VPS13C: variants seen among roughly 807,000 people sequenced by gnomAD.
VPS13C encodes intermembrane lipid transfer protein VPS13C.
In VPS13C, 358 loss-of-function variants were observed where a neutral mutation model predicts 456.8. The ratio of observed to expected loss-of-function variants is 0.78; its 90% CI spans 0.72 to 0.86. VPS13C has a LOEUF of 0.86. Among genes scored for constraint, VPS13C ranks in the 40% least tolerant of loss-of-function variants. VPS13C has a pLI of 0.00. For synonymous variants in VPS13C, 1,578 were observed against 1,486.7 expected (o/e 1.06, Z -1.41); for missense variants, 4,818 against 4,385.4 (o/e 1.10, Z -2.79).
At chr15:61,933,537 T>C (rs1304641993) in intron 49 of VPS13C, among the ~76,000 whole-genome samples, 1 of 152,150 alleles carries the variant, frequency 6.6e-6, no homozygotes, top group African/African-American at 2.4e-5. Context: ...ATGCTCACTG[T>C]TGAATCTATA....
At position 61,881,779 on chromosome 15, in the gene VPS13C, A is replaced by T; in HGVS notation, c.9674T>A (p.Val3225Asp). 1 of 1,608,806 alleles carries T rather than the reference A, an allele frequency of 6.2e-7. No homozygotes were observed. Among genetic ancestry groups the T allele is most frequent in the Non-Finnish European group, 8.5e-7 (1 of 1,178,636 alleles). ...TAAAGCAATAGATTTTGGAGGGGCA[A>T]CAGGATGAAATACAACAGGGAACAT... ...GAMFPVVFHP[V>D]APPKSIALDS... The change falls in exon 70 of 85, where the codon GTT becomes GAT. Residue 3225 changes from valine (V) to aspartate (D), a missense_variant. This residue lies in a region of VPS13C where 4,552 missense variants were observed against 4,130.6 expected (regional missense o/e 1.10). Coordinates refer to ENST00000644861, the MANE Select transcript of VPS13C (RefSeq NM_020821.3).
At chr15:62,015,077 C>G (rs1189715398) in intron 9 of VPS13C, among the ~76,000 whole-genome samples, 1 of 152,062 alleles carries the variant, frequency 6.6e-6, no homozygotes, top group Non-Finnish European at 1.5e-5. Flanking sequence ...AGGTATATGA[C>G]TATTTTGTAT....
intron 1 of VPS13C, among the ~76,000 whole-genome samples, chr15:62,055,889 G>A (rs1474001066): frequency 6.6e-6 from 1 of 152,100 alleles, no homozygotes; most frequent in African/African-American, 2.4e-5. Context: ...AACATTTTGA[G>A]CTGGACAATT....
intron 39 of VPS13C, 38 bp downstream of exon 39, chr15:61,951,786 C>T: frequency 1.3e-6 from 2 of 1,571,828 alleles, no homozygotes; most frequent in Non-Finnish European, 1.7e-6. Flanking sequence ...GATCATCTGC[C>T]TAATGAATAA....
At chr15:61,945,503 T>A (rs1271415218) in intron 45 of VPS13C, among the ~76,000 whole-genome samples, 2 of 152,236 alleles carry the variant, frequency 1.3e-5, no homozygotes, top group Non-Finnish European at 2.9e-5. Context: ...GGAAATGTTA[T>A]AGAATTACAG....
intron 81 of VPS13C, chr15:61,866,970 C>T (rs1894638738): frequency 2.0e-6 from 2 of 981,320 alleles, no homozygotes; most frequent in South Asian, 9.4e-5. Context: ...TAAACATTTC[C>T]ATCATTTATT....
intron 82 of VPS13C, among the ~76,000 whole-genome samples, chr15:61,859,091 C>A (rs772309951): frequency 6.6e-6 from 1 of 152,184 alleles, no homozygotes; most frequent in Non-Finnish European, 1.5e-5. Context: ...TAACTGCCAG[C>A]CAGTTATGAT....
At chr15:61,962,586 A>G (rs2045245105) in intron 33 of VPS13C, 48 bp from the exon 34 acceptor site, 1 of 1,518,248 alleles carries the variant, frequency 6.6e-7, no homozygotes, top group Admixed American at 2.1e-5. Flanking sequence ...GGTAATGACA[A>G]AATAAAATCT....
intron 53 of VPS13C, among the ~76,000 whole-genome samples, chr15:61,923,124 T>G (rs986827814): frequency 2.0e-5 from 3 of 152,038 alleles, no homozygotes; most frequent in African/African-American, 7.3e-5. Flanking sequence ...AATTCTTCAT[T>G]TTAAAAACAG....
rs1056216107 is a variant in VPS13C at position 61,931,167 on chromosome 15, G to A, written c.5961C>T (p.Gly1987=). The A allele has an allele frequency of 2.5e-6, 4 of 1,614,122 alleles. No homozygotes were observed. The African/African-American group carries it at 5.3e-5, about 22-fold the overall frequency. Reference sequence around the variant, plus strand: ...TAAGTTTAACGCTGACATTCATTGAGCCATCCTTAAACATCTTCCCTGAGG... The same window carrying A: ...TAAGTTTAACGCTGACATTCATTGAACCATCCTTAAACATCTTCCCTGAGG... The part of the protein sequence containing the change: ...MASSGKMFKD[G]SMNVSVKLKT... Residue 1987 remains glycine (G), a synonymous_variant, in exon 50 of 85, where the codon GGC becomes GGT. Transcript: ENST00000644861.
intron 79 of VPS13C, among the ~76,000 whole-genome samples, chr15:61,870,388 T>C (rs1270844744): frequency 1.3e-5 from 2 of 152,168 alleles, no homozygotes; most frequent in African/African-American, 4.8e-5. Context: ...TAATATGTGG[T>C]GTACTGTGAC....
chr15:61,957,828 A>G (rs748537974), intron 37 of VPS13C, among the ~76,000 whole-genome samples: 35 of 152,292 alleles, frequency 2.3e-4, no homozygotes, highest in Non-Finnish European at 4.9e-4. Context: ...CTTGCTAAAT[A>G]AATTATGATG....
chr15:62,026,423 T>C (rs1281297530), intron 6 of VPS13C, among the ~76,000 whole-genome samples: 1 of 152,030 alleles, frequency 6.6e-6, no homozygotes, highest in East Asian at 1.9e-4. Flanking sequence ...ATCAGAAAAG[T>C]CTTAAAGTAC....
chr15:61,974,541 T>C, intron 24 of VPS13C, 124 bp from the exon 25 acceptor site: 1 of 942,280 alleles, frequency 1.1e-6, no homozygotes, highest in Non-Finnish European at 1.5e-6. Context: ...CTAATTACAC[T>C]AATGCCTCAT....
chr15:61,966,761 A>G (rs886719240), intron 29 of VPS13C, among the ~76,000 whole-genome samples: 1 of 151,908 alleles, frequency 6.6e-6, no homozygotes, highest in African/African-American at 2.4e-5. Flanking sequence ...ATTATATTCT[A>G]ATCATTATTT....
rs1596456340 is a variant in VPS13C, at chr15:62,000,601, A to C, written c.1316T>G (p.Phe439Cys). ...TTGTTGCCTTGCTAAAATTATGTTAAAAACATCTAGAGTCTTCTCCAAGTC... is the reference window on the plus strand; with the variant it reads ...TTGTTGCCTTGCTAAAATTATGTTACAAACATCTAGAGTCTTCTCCAAGTC... ...IQDLEKTLDV[F>C]NIILARQQAQ... The change falls in exon 16 of 85, where the codon TTT becomes TGT. Residue 439 changes from phenylalanine to cysteine, a missense_variant. Phe to Cys is a radical substitution (Grantham distance 205, BLOSUM62 -2). Transcript: ENST00000644861. 1.2e-6 allele frequency: 2 copies of C among 1,608,376 alleles called. No homozygotes were observed. The highest frequency in any genetic ancestry group is 1.7e-5 in the Admixed American group (1 of 59,188).
chr15:62,036,181 A>G (rs1158948663), intron 3 of VPS13C, among the ~76,000 whole-genome samples: 1 of 152,028 alleles, frequency 6.6e-6, no homozygotes, highest in Non-Finnish European at 1.5e-5. Context: ...AGAGCTACTA[A>G]TCAAGATTTT....
intron 6 of VPS13C, among the ~76,000 whole-genome samples, chr15:62,024,755 T>C (rs950519871): frequency 2.0e-5 from 3 of 152,128 alleles, no homozygotes; most frequent in Non-Finnish European, 4.4e-5. Context: ...TACATCCCTG[T>C]CCTGTTCTAT....
rs192757743 is a variant in VPS13C at position 61,907,605 on chromosome 15, A to G, written c.8979-215T>C. 1.7e-4 allele frequency among the ~76,000 whole-genome samples: 26 copies of G among 152,310 alleles called. No individual in the cohort carries two copies. The East Asian group carries it at 4.2e-3, about 25-fold the overall frequency. On this transcript the variant is annotated intron_variant, in intron 65 of 84. Coordinates refer to ENST00000644861, the MANE Select transcript of VPS13C (RefSeq NM_020821.3). Reference sequence around the variant, plus strand: ...GAATATTGCCCTTTCTGAAGCTTCAATGCACTCGGAATTGATCCAAGTGGA... The same window carrying G: ...GAATATTGCCCTTTCTGAAGCTTCAGTGCACTCGGAATTGATCCAAGTGGA...
Sources: allele counts gnomAD v4.1 joint callset (sites outside exome capture counted in the v4.1 genomes callset), GRCh38; gene constraint gnomAD v4.1.1; regional missense constraint gnomAD v4.1.1; transcripts MANE v1.5; gene names NCBI Gene and HGNC (gene_info 2026-07-23, HGNC 2026-07-21).